The following PIK3C2G variants were observed in gnomAD, a reference collection of about 807,000 sequenced individuals.
PIK3C2G encodes phosphatidylinositol 3-kinase C2 domain-containing subunit gamma.
In PIK3C2G, 168 loss-of-function variants were observed where a neutral mutation model predicts 181.1. The observed-to-expected ratio is 0.93, with a 90% CI of 0.82 to 1.05. The LOEUF is 1.05. Ranked by LOEUF, PIK3C2G falls within the 50% of genes least tolerant of loss-of-function variation. The probability of loss-of-function intolerance (pLI) is 0.00; values close to 1 mark genes in which losing one functional copy is unlikely to be tolerated. For synonymous variants in PIK3C2G, 573 were observed against 592.2 expected (o/e 0.97, Z 0.47); for missense variants, 1,869 against 1,732.8 (o/e 1.08, Z -1.40).
At position 18,563,446 on chromosome 12, in the gene PIK3C2G, T is replaced by G. The variant is rs771030119; in HGVS notation, c.3850T>G (p.Ser1284Ala). ...GACAGAAAAATCATTTGAGCAGTTT[T>G]CAAAACTTCACAGCCAACTTCAGAA... Reference protein sequence around the residue: ...SLTEKSFEQFSKLHSQLQKQF... With the variant: ...SLTEKSFEQFAKLHSQLQKQF... The change falls in exon 28 of 33, where the codon TCA becomes GCA. Residue 1284 changes from serine to alanine, a missense_variant. Ser to Ala is a moderately conservative substitution (Grantham distance 99). Transcript: ENST00000538779. 6.2e-7 allele frequency: 1 copy of G among 1,613,828 alleles called. No individual in the cohort carries two copies. Among genetic ancestry groups the G allele is most frequent in the South Asian group, 1.1e-5 (1 of 91,082 alleles).
intron 22 of PIK3C2G, among the ~76,000 whole-genome samples, chr12:18,498,311 T>C (rs1238195142): frequency 1.3e-5 from 2 of 152,242 alleles, no homozygotes; most frequent in East Asian, 3.8e-4. Flanking sequence ...ATTATACTTA[T>C]GCACATTTTC....
chr12:18,615,713 C>T (rs1217540402), intron 31 of PIK3C2G, among the ~76,000 whole-genome samples: 1 of 151,772 alleles, frequency 6.6e-6, no homozygotes, highest in African/African-American at 2.4e-5. Context: ...TTTTATTATT[C>T]TCAAAATCCT....
intron 18 of PIK3C2G, among the ~76,000 whole-genome samples, chr12:18,473,875 C>T (rs1938704134): frequency 6.8e-6 from 1 of 146,874 alleles, no homozygotes; most frequent in African/African-American, 2.6e-5. Context: ...AGCACTCTGC[C>T]ATTTTTCTTA....
chr12:18,551,618 C>G (rs879343206), intron 26 of PIK3C2G, among the ~76,000 whole-genome samples: 2 of 152,018 alleles, frequency 1.3e-5, no homozygotes, highest in Non-Finnish European at 2.9e-5. Flanking sequence ...AAACAAAACC[C>G]CACACTTCAA....
At chr12:18,312,896 T>C (rs963819183) in intron 5 of PIK3C2G, among the ~76,000 whole-genome samples, 1 of 152,152 alleles carries the variant, frequency 6.6e-6, no homozygotes, top group Non-Finnish European at 1.5e-5. Flanking sequence ...CATAATTCTA[T>C]ACATTTTTGT....
chr12:18,513,295 A>G (rs1213900956), intron 24 of PIK3C2G, among the ~76,000 whole-genome samples: 1 of 151,706 alleles, frequency 6.6e-6, no homozygotes, highest in African/African-American at 2.4e-5. Context: ...TGATATCAAG[A>G]TAATGCTAGT....
At chr12:18,320,788 A>T (rs575542971) in intron 6 of PIK3C2G, among the ~76,000 whole-genome samples, 174 bp from the exon 7 acceptor site, 2 of 152,360 alleles carry the variant, frequency 1.3e-5, no homozygotes, top group African/African-American at 4.8e-5. Flanking sequence ...ACTTTTGAAA[A>T]GGCTTATATA....
intron 29 of PIK3C2G, among the ~76,000 whole-genome samples, chr12:18,579,500 G>A (rs999646630): frequency 9.9e-5 from 15 of 152,072 alleles, no homozygotes; most frequent in African/African-American, 3.4e-4. Context: ...CAGCCCAGGT[G>A]GAGGGATGCC....
the PIK3C2G span, among the ~76,000 whole-genome samples, chr12:18,659,407 C>T: frequency 1.1e-4 from 16 of 152,124 alleles, no homozygotes; most frequent in Admixed American, 5.9e-4. Context: ...GATTAAGCGG[C>T]TGACCTGATA....
In PIK3C2G at chr12:18,265,484, T is replaced by G. The variant is rs1466381522; in HGVS notation, c.-79+3907T>G. 2.6e-5 allele frequency among the ~76,000 whole-genome samples: 4 copies of G among 152,136 alleles called. No individual in the cohort carries two copies. The East Asian group carries it at 7.7e-4, about 29-fold the overall frequency. On this transcript the variant is annotated intron_variant, in intron 1 of 32. Transcript: ENST00000538779. ...TCCAGAAGCCTCCATTAATTCATCTTAAAACACACACTTTTACCTGATTCA... is the reference window on the plus strand; with the variant it reads ...TCCAGAAGCCTCCATTAATTCATCTGAAAACACACACTTTTACCTGATTCA...
intron 2 of PIK3C2G, among the ~76,000 whole-genome samples, chr12:18,283,412 T>C (rs1949308666): frequency 6.6e-6 from 1 of 152,190 alleles, no homozygotes; most frequent in South Asian, 2.1e-4. Context: ...CAGTAAATAA[T>C]ATTTATTTCC....
At chr12:18,656,558 C>G in the PIK3C2G span, among the ~76,000 whole-genome samples, 1 of 152,094 alleles carries the variant, frequency 6.6e-6, no homozygotes. Context: ...GAGCGAGACT[C>G]TGTCCTGAAA....
At chr12:18,695,680 G>C in the PIK3C2G span, among the ~76,000 whole-genome samples, 3 of 152,084 alleles carry the variant, frequency 2.0e-5, no homozygotes, top group Non-Finnish European at 2.9e-5. Flanking sequence ...GGTTAGTGCA[G>C]TGCTGTACTA....
chr12:18,584,243 G>A (rs933756114), intron 29 of PIK3C2G, among the ~76,000 whole-genome samples: 6 of 151,432 alleles, frequency 4.0e-5, no homozygotes, highest in South Asian at 2.1e-4. Context: ...CTGTGGTCTC[G>A]ATCTCCTGAT....
chr12:18,641,341 C>T (rs548763161), intron 32 of PIK3C2G, among the ~76,000 whole-genome samples: 1 of 152,100 alleles, frequency 6.6e-6, no homozygotes, highest in East Asian at 1.9e-4. Flanking sequence ...ATTGATAGTA[C>T]TTTATTCAAG....
intron 18 of PIK3C2G, among the ~76,000 whole-genome samples, chr12:18,448,973 G>A (rs1947184318): frequency 6.6e-6 from 1 of 151,990 alleles, no homozygotes; most frequent in Non-Finnish European, 1.5e-5. Context: ...TCTACGAGGG[G>A]TTGACTTTAT....
chr12:18,556,047 C>G (rs184435881), intron 26 of PIK3C2G, among the ~76,000 whole-genome samples: 1 of 152,150 alleles, frequency 6.6e-6, no homozygotes, highest in Non-Finnish European at 1.5e-5. Context: ...TTTGGTTTCT[C>G]TTCTTTACCT....
intron 18 of PIK3C2G, among the ~76,000 whole-genome samples, chr12:18,435,717 C>A (rs963499355): frequency 1.3e-5 from 2 of 152,068 alleles, no homozygotes; most frequent in African/African-American, 4.8e-5. Context: ...ATTCTCAAAT[C>A]TTTCATGCCC....
rs1329721529 is a variant in PIK3C2G, at chr12:18,314,052, G to A, written c.1125G>A (p.Lys375=). 6.4e-7 allele frequency: 1 copy of A among 1,554,072 alleles called. No individual in the cohort carries two copies. Among genetic ancestry groups the A allele is most frequent in the Non-Finnish European group, 8.8e-7 (1 of 1,137,968 alleles). The change falls in exon 6 of 33, where the codon AAG becomes AAA. Residue 375 remains lysine (K), a synonymous_variant. Transcript: ENST00000538779. ...HLQKSREAPG[K]LSRKHEEDHS... The stretch of plus-strand genomic sequence containing the variant: ...AGAAAAGTAGGGAAGCTCCAGGAAA[G>A]CTATCTCGAAAGGTAAGACTTTCTT...
Sources: gnomAD v4.1 joint callset for allele counts (sites outside exome capture counted in the v4.1 genomes callset) on GRCh38, gnomAD v4.1.1 for gene constraint, MANE v1.5 for transcripts, NCBI Gene and HGNC (gene_info 2026-07-23, HGNC 2026-07-21) for gene names.